The following MOK variants were observed in gnomAD, a reference collection of about 807,000 sequenced individuals.
The protein encoded by MOK is MOK protein kinase.
A neutral mutation model predicts 54.2 loss-of-function variants in MOK; 59 were observed. The observed-to-expected ratio is 1.09, with a 90% CI of 0.88 to 1.35. MOK has a LOEUF of 1.35. Ranked by LOEUF, MOK falls within the 40% of genes most tolerant of loss-of-function variation. The probability of loss-of-function intolerance (pLI) is 0.00; values close to 1 mark genes in which losing one functional copy is unlikely to be tolerated. For missense variants in MOK, 517 were observed against 526.2 expected (o/e 0.98, Z 0.17); for synonymous variants, 210 against 202.7 (o/e 1.04, Z -0.31).
downstream of MOK, among the ~76,000 whole-genome samples, chr14:102,224,097 A>T (rs976134267): frequency 1.4e-5 from 2 of 139,052 alleles, no homozygotes; most frequent in African/African-American, 5.5e-5. Flanking sequence ...GCTGGAGTGC[A>T]GTGGCGCAAT....
At chr14:102,219,260 C>T in the MOK span, among the ~76,000 whole-genome samples, 2 of 152,364 alleles carry the variant, frequency 1.3e-5, no homozygotes, top group African/African-American at 2.4e-5. Context: ...CTTTTTCCTC[C>T]TGTTGCCTCC....
At chr14:102,241,466 A>C (rs756601958) in intron 7 of MOK, among the ~76,000 whole-genome samples, 3 of 152,178 alleles carry the variant, frequency 2.0e-5, no homozygotes, top group Non-Finnish European at 4.4e-5. Flanking sequence ...AGCCAAGGTT[A>C]ATGCTCCTTT....
intron 4 of MOK, among the ~76,000 whole-genome samples, chr14:102,255,008 T>A (rs2066822356): frequency 6.6e-6 from 1 of 152,226 alleles, no homozygotes; most frequent in Non-Finnish European, 1.5e-5. Flanking sequence ...AAGTCTAATC[T>A]ATCCAATCTT....
rs748441503 is a variant in MOK, at chr14:102,229,296, C to A, written c.1253G>T (p.Gly418Val). 6.2e-7 allele frequency: 1 copy of A among 1,602,750 alleles called. No individual in the cohort carries two copies. The highest frequency in any genetic ancestry group is 8.5e-7 in the Non-Finnish European group (1 of 1,173,534). The part of the protein sequence containing the change: ...CRLPTIVRKG[G>V]R ...GACGACGGTGCTGCTCAGTTATCTT[C>A]CGCCTTTCCGCACTATGGTGGGCAG... is the stretch of plus-strand genomic sequence containing the variant. Residue 418 changes from glycine to valine, a missense_variant, in exon 12 of 12, where the codon GGA becomes GTA. By Grantham distance (109) the Gly-to-Val change is moderately radical. Transcript: ENST00000361847.
intron 7 of MOK, among the ~76,000 whole-genome samples, chr14:102,243,280 C>T (rs552039038): frequency 3.3e-5 from 5 of 152,276 alleles, no homozygotes; most frequent in African/African-American, 7.2e-5. Context: ...TTCCTCTTTC[C>T]GTTCCTTAAA....
At chr14:102,223,491 T>C (rs1041310263), downstream of MOK, 1 of 152,772 alleles carries the variant, frequency 6.5e-6, no homozygotes, top group Non-Finnish European at 1.5e-5. Flanking sequence ...ATGCCCTTTT[T>C]ACCCGTTGAC....
chr14:102,222,937 G>A (rs370172344), downstream of MOK: 5 of 1,604,988 alleles, frequency 3.1e-6, no homozygotes, highest in African/African-American at 2.7e-5. The surrounding 1 kb of genome is among the most constrained non-coding windows in gnomAD (Gnocchi z 4.4). Flanking sequence ...AGGGAGTGAC[G>A]AGGAGGAGCT....
chr14:102,265,492 C>T (rs1303004206), intron 3 of MOK, among the ~76,000 whole-genome samples: 1 of 151,972 alleles, frequency 6.6e-6, no homozygotes. Context: ...ATTAGCTGGG[C>T]GTGGTTGTGG....
At chr14:102,223,125 T>C (rs1018968431), downstream of MOK, 7 of 391,354 alleles carry the variant, frequency 1.8e-5, no homozygotes, top group East Asian at 3.1e-4. Context: ...AAATGGAGTT[T>C]TCTTGCTTTT....
downstream of MOK, among the ~76,000 whole-genome samples, chr14:102,222,186 C>T (rs1369678639): frequency 6.6e-6 from 1 of 152,080 alleles, no homozygotes; most frequent in Non-Finnish European, 1.5e-5. The surrounding 1 kb of genome is among the most constrained non-coding windows in gnomAD (Gnocchi z 4.4). Context: ...TTGGCCCCCA[C>T]ATCCCTTCTC....
chr14:102,251,581 G>A, intron 6 of MOK, 175 bp downstream of exon 6: 3 of 678,114 alleles, frequency 4.4e-6, no homozygotes, highest in Non-Finnish European at 5.4e-6. Flanking sequence ...TATGTTGATG[G>A]CATTTATTAA....
At position 102,230,853 on chromosome 14, in the gene MOK, A is replaced by G. The variant is rs1335198665; in HGVS notation, c.981+854T>C. The G allele has an allele frequency of 6.6e-6, 1 of 152,400 alleles. No individual in the cohort carries two copies. Among genetic ancestry groups the G allele is most frequent in the East Asian group, 1.9e-4 (1 of 5,180 alleles). The allele number at this position is 152,400 out of a possible 1,614,324, so 9.4% of individuals were successfully genotyped here. The stretch of plus-strand genomic sequence containing the variant: ...CCACAGGGAAAAAGCACGTTTGGGG[A>G]AAGATCAGGAGAAGGGGTTTCAGCA... On this transcript the variant is annotated intron_variant, in intron 10 of 11. Coordinates refer to ENST00000361847, the MANE Select transcript of MOK (RefSeq NM_014226.3). This position sits in a 1 kb window ranked among gnomAD's most constrained non-coding sequence, Gnocchi z 4.1.
rs573193744 is a variant in MOK at position 102,233,527 on chromosome 14, T to G, written c.692+161A>C. The G allele has an allele frequency of 1.4e-4, 87 of 610,952 alleles. No homozygotes were observed. The South Asian group carries it at 1.6e-3, about 11-fold the overall frequency. The allele number at this position is 610,952 out of a possible 1,614,324, so 37.8% of individuals were successfully genotyped here. A position where few individuals can be genotyped will look rare whatever the true frequency, so the allele number is the denominator to read the frequency against. ...AGACCACTTAAAGTGATGGGCTCTG[T>G]CTGAGCAGCCACTCACTGGCCCTCA... On this transcript the variant is annotated intron_variant, in intron 8 of 11. Transcript: ENST00000361847.
chr14:102,237,038 T>C (rs2065284141), intron 7 of MOK, among the ~76,000 whole-genome samples: 1 of 152,158 alleles, frequency 6.6e-6, no homozygotes, highest in Admixed American at 6.5e-5. Flanking sequence ...AGATGACTTT[T>C]TTTACTATTC....
intron 4 of MOK, among the ~76,000 whole-genome samples, chr14:102,262,080 A>C (rs2153130469): frequency 6.6e-6 from 1 of 151,538 alleles, no homozygotes; most frequent in East Asian, 1.9e-4. Flanking sequence ...TGACCTCGTG[A>C]TCCGCCTGCC....
chr14:102,239,884 T>C (rs1162669932), intron 7 of MOK, among the ~76,000 whole-genome samples: 1 of 150,564 alleles, frequency 6.6e-6, no homozygotes, highest in Non-Finnish European at 1.5e-5. Context: ...AAAACAAAAA[T>C]CAAACAAAAA....
intron 2 of MOK, among the ~76,000 whole-genome samples, chr14:102,276,669 T>C (rs2068892257): frequency 6.6e-6 from 1 of 151,542 alleles, no homozygotes; most frequent in African/African-American, 2.4e-5. Context: ...TGCATGCCTG[T>C]AATCCCAGCT....
intron 2 of MOK, among the ~76,000 whole-genome samples, chr14:102,273,041 G>A (rs2068516423): frequency 6.6e-6 from 1 of 151,976 alleles, no homozygotes; most frequent in African/African-American, 2.4e-5. Context: ...GTGGTGGCGG[G>A]TGCCTGTAGT....
At chr14:102,228,134 A>G (rs10145872), downstream of MOK, among the ~76,000 whole-genome samples, 1,646 of 152,322 alleles carry the variant, frequency 0.011, 24 homozygotes, top group African/African-American at 0.038. Context: ...TTTCTAGGAC[A>G]CAAGGTGCCC....
Sources: allele counts gnomAD v4.1 joint callset (sites outside exome capture counted in the v4.1 genomes callset), GRCh38; gene constraint gnomAD v4.1.1; non-coding constraint Gnocchi (gnomAD v3.1); transcripts MANE v1.5; gene names NCBI Gene and HGNC (gene_info 2026-07-23, HGNC 2026-07-21).